The following TENM2 variants were observed in gnomAD, a reference collection of about 807,000 sequenced individuals.
The protein encoded by TENM2 is teneurin transmembrane protein 2, also known as teneurin-2.
TENM2 carries 52 observed loss-of-function variants against 245.2 expected under a neutral mutation model. The observed-to-expected ratio is 0.21, with a 90% CI of 0.17 to 0.27. The LOEUF is 0.27. TENM2 is among the 10% of genes least tolerant of loss of function. The pLI, the probability that TENM2 is intolerant of heterozygous loss-of-function variation, is 1.00. For missense variants in TENM2, 3,046 were observed against 3,666.8 expected (o/e 0.83, Z 4.37); for synonymous variants, 1,363 against 1,438.9 (o/e 0.95, Z 1.19).
rs1211556641 is a variant in TENM2, at chr5:167,442,103, C to T, written c.502+66630C>T. Among the ~76,000 whole-genome samples the T allele has an allele frequency of 3.3e-5, 5 of 152,276 alleles. No individual in the cohort carries two copies. In the East Asian group the frequency reaches 9.7e-4, roughly 29 times the overall value. ...TGAACTATTTTCTCCACCATGAAAT[C>T]TTGCATTTGAAAACCCAGGCCCCTT... On this transcript the variant is annotated intron_variant, in intron 2 of 28. Transcript: ENST00000518659.
intron 5 of TENM2, among the ~76,000 whole-genome samples, chr5:168,020,702 T>C (rs1428872266): frequency 6.6e-6 from 1 of 152,240 alleles, no homozygotes; most frequent in Non-Finnish European, 1.5e-5. Context: ...TTGGCTTTTC[T>C]GAACCTCCAA....
chr5:167,891,047 C>A (rs1774714397), intron 3 of TENM2, among the ~76,000 whole-genome samples: 1 of 152,108 alleles, frequency 6.6e-6, no homozygotes, highest in Non-Finnish European at 1.5e-5. Context: ...TTTCCACTAT[C>A]AAGGTCTTTT....
At chr5:167,160,643 A>G in the TENM2 span, among the ~76,000 whole-genome samples, 11 of 152,066 alleles carry the variant, frequency 7.2e-5, no homozygotes, top group Non-Finnish European at 1.3e-4. Flanking sequence ...TGCCCACTCA[A>G]TCTACTTAGG....
rs761614775 is a variant in TENM2 at position 167,746,710 on chromosome 5, A to AGAGAGAGAGAGAGAGAGAGC, written c.503-129271_503-129270insAGAGAGAGAGAGAGCGAGAG. 5.1e-3 allele frequency among the ~76,000 whole-genome samples: 732 copies of AGAGAGAGAGAGAGAGAGAGC among 144,804 alleles called. 12 individuals are homozygous for AGAGAGAGAGAGAGAGAGAGC. The highest frequency in any genetic ancestry group is 5.5e-3 in the Non-Finnish European group (361 of 66,010). The allele number at this position is 144,804 out of a possible 152,430, so 95.0% of individuals were successfully genotyped here. On this transcript the variant is annotated intron_variant, in intron 2 of 28. Coordinates refer to ENST00000518659, the Ensembl canonical transcript of TENM2. ...GAGAGAGAGAGAGAGAGAGAGAGAG[A>AGAGAGAGAGAGAGAGAGAGC]GAGAGCTGGACTCTACACAATTAGT...
At chr5:167,834,052 A>T (rs901199187) in intron 2 of TENM2, among the ~76,000 whole-genome samples, 1 of 151,994 alleles carries the variant, frequency 6.6e-6, no homozygotes, top group African/African-American at 2.4e-5. Context: ...TCAGGCAAGG[A>T]CCTTGCTTTT....
intron 2 of TENM2, among the ~76,000 whole-genome samples, chr5:167,519,406 A>G (rs1347230806): frequency 6.6e-6 from 1 of 152,150 alleles, no homozygotes; most frequent in Non-Finnish European, 1.5e-5. Flanking sequence ...TTTATATAGT[A>G]GGAATATTAA....
At chr5:167,014,266 C>A in the TENM2 span, among the ~76,000 whole-genome samples, 3 of 147,196 alleles carry the variant, frequency 2.0e-5, no homozygotes, top group Non-Finnish European at 4.5e-5. Flanking sequence ...AAGTAAAATA[C>A]GACATAAGAT....
the TENM2 span, among the ~76,000 whole-genome samples, chr5:167,181,552 A>G: frequency 1.3e-5 from 2 of 150,908 alleles, no homozygotes; most frequent in African/African-American, 2.4e-5. Flanking sequence ...AACACATATA[A>G]CAGATATACT....
At chr5:168,155,557 T>G (rs928175995) in intron 12 of TENM2, among the ~76,000 whole-genome samples, 1 of 152,152 alleles carries the variant, frequency 6.6e-6, no homozygotes, top group Admixed American at 6.5e-5. Flanking sequence ...CAATGTGGTA[T>G]TGCTGGAGTT....
chr5:167,785,364 CT>C (rs1339878775), intron 2 of TENM2, among the ~76,000 whole-genome samples: 4 of 152,140 alleles, frequency 2.6e-5, no homozygotes, highest in African/African-American at 4.8e-5. Flanking sequence ...TCTTTCTTCC[CT>C]TTTTTTTCCT....
Position 167,305,324 on chromosome 5 carries a change from C to T in TENM2, c.226+20261C>T, listed in dbSNP as rs573846761. On this transcript the variant is annotated intron_variant, in intron 1 of 28. Transcript: ENST00000518659. ...ACTGCATGTCACAGTGTATTTTTAG[C>T]CAATCCCTGAGTGAAAGCTGACAAG... Among the ~76,000 whole-genome samples, 4 of 152,300 alleles carry T rather than the reference C, an allele frequency of 2.6e-5. No homozygotes were observed. The South Asian group carries it at 6.2e-4, about 24-fold the overall frequency.
chr5:167,761,909 A>G (rs969769405), intron 2 of TENM2, among the ~76,000 whole-genome samples: 1 of 152,188 alleles, frequency 6.6e-6, no homozygotes, highest in African/African-American at 2.4e-5. Context: ...ACTTCCAGCA[A>G]TATCGCTGAT....
rs548298493 is a variant in TENM2 at position 167,421,132 on chromosome 5, T to A, written c.502+45659T>A. Among the ~76,000 whole-genome samples, 344 of 152,300 alleles carry A rather than the reference T, an allele frequency of 2.3e-3. 2 individuals are homozygous for A. Among genetic ancestry groups the A allele is most frequent in the Middle Eastern group, 0.01 (3 of 292 alleles). ...CAGTAATACGTCTATGCTAAAACTTTAAGAGTATTTGCTAATTAACTAACC... is the reference window on the plus strand; with the variant it reads ...CAGTAATACGTCTATGCTAAAACTTAAAGAGTATTTGCTAATTAACTAACC... On this transcript the variant is annotated intron_variant, in intron 2 of 28. Coordinates refer to ENST00000518659, the Ensembl canonical transcript of TENM2.
At chr5:167,263,388 C>G in the TENM2 span, among the ~76,000 whole-genome samples, 1 of 152,118 alleles carries the variant, frequency 6.6e-6, no homozygotes, top group Non-Finnish European at 1.5e-5. Flanking sequence ...AGCTGGAATT[C>G]GAAGCCATGG....
intron 6 of TENM2, among the ~76,000 whole-genome samples, chr5:168,060,363 G>A (rs1050141648): frequency 5.3e-5 from 8 of 152,182 alleles, no homozygotes; most frequent in Admixed American, 2.0e-4. Context: ...GCAGTGAGCT[G>A]AGATCGTGCC....
chr5:167,765,333 G>C (rs955945268), intron 2 of TENM2, among the ~76,000 whole-genome samples: 3 of 152,166 alleles, frequency 2.0e-5, no homozygotes, highest in African/African-American at 7.2e-5. Flanking sequence ...CAAATGCAGG[G>C]GGTTAGAGTT....
chr5:167,896,376 G>T (rs1775224427), intron 3 of TENM2, among the ~76,000 whole-genome samples: 1 of 152,202 alleles, frequency 6.6e-6, no homozygotes, highest in African/African-American at 2.4e-5. Context: ...CTGGATTGAG[G>T]CTGGAATCTG....
In TENM2 at chr5:167,590,082, A is replaced by G. The variant is rs181553713; in HGVS notation, c.502+214609A>G. On this transcript the variant is annotated intron_variant, in intron 2 of 28. Coordinates refer to ENST00000518659, the Ensembl canonical transcript of TENM2. The stretch of plus-strand genomic sequence containing the variant: ...TTTATGCTTATCTCTTGATTTACTT[A>G]CCACTGAATTCTCTGCTTGATTACA... Among the ~76,000 whole-genome samples, 238 of 148,462 alleles carry G rather than the reference A, an allele frequency of 1.6e-3. 5 individuals are homozygous for G. The East Asian group carries it at 0.028, about 17-fold the overall frequency.
chr5:167,941,723 A>G (rs1779195525), intron 3 of TENM2, among the ~76,000 whole-genome samples: 1 of 150,236 alleles, frequency 6.7e-6, no homozygotes, highest in African/African-American at 2.5e-5. Context: ...GCATGGTGGT[A>G]TGTGCCTGTA....
Sources: allele counts gnomAD v4.1 joint callset (sites outside exome capture counted in the v4.1 genomes callset), GRCh38; gene constraint gnomAD v4.1.1; transcripts MANE v1.5; gene names NCBI Gene and HGNC (gene_info 2026-07-23, HGNC 2026-07-21).